Variants in TF observed in about 807,000 individuals in gnomAD.
TF encodes serotransferrin.
Under a neutral mutation model 82.4 loss-of-function variants are expected in TF, and 55 were observed. The observed-to-expected ratio is 0.67, with a 90% CI of 0.54 to 0.84. The LOEUF is 0.84. Among genes scored for constraint, TF ranks in the 40% least tolerant of loss-of-function variants. The probability of loss-of-function intolerance (pLI) is 0.00; values close to 1 mark genes in which losing one functional copy is unlikely to be tolerated. For synonymous variants in TF, 332 were observed against 332.6 expected, an observed-to-expected ratio of 1.00 and a Z score of 0.02; for missense variants, 737 against 868.4, an observed-to-expected ratio of 0.85 and a Z score of 1.90.
upstream of TF, among the ~76,000 whole-genome samples, chr3:133,742,452 G>A (rs943530076): frequency 6.6e-6 from 1 of 151,698 alleles, no homozygotes; most frequent in African/African-American, 2.4e-5. Flanking sequence ...AAGAGAAGGA[G>A]AGAGAGAGAG....
At position 133,780,563 on chromosome 3, in the gene TF, A is replaced by T. The variant is rs899595707; in HGVS notation, c.*1943A>T. ...CCTACTAAAGTTAGGAACATGAAAAAAATTGATTACTATCTATCTTATTTT... is the reference window on the plus strand; with the variant it reads ...CCTACTAAAGTTAGGAACATGAAAATAATTGATTACTATCTATCTTATTTT... On this transcript the variant is annotated 3_prime_UTR_variant, in exon 17 of 17. Transcript: ENST00000402696. The T allele has an allele frequency of 6.6e-6, 1 of 152,234 alleles. No individual in the cohort carries two copies. Among genetic ancestry groups the T allele is most frequent in the Non-Finnish European group, 1.5e-5 (1 of 68,040 alleles). 9.4% of individuals were successfully genotyped at this position (152,234 alleles called of 1,614,324 possible).
the TF span, among the ~76,000 whole-genome samples, chr3:133,692,042 C>G: frequency 6.6e-6 from 1 of 152,238 alleles, no homozygotes; most frequent in African/African-American, 2.4e-5. Flanking sequence ...TTGATAGAAA[C>G]TCCGCTGGTG....
chr3:133,766,298 G>A lies in TF; in HGVS notation c.1351G>A (p.Val451Met), dbSNP rs766740736. Residue 451 changes from valine (V) to methionine (M), a missense_variant, in exon 12 of 17, where the codon GTG (valine) becomes ATG (methionine). Transcript: ENST00000402696. Reference protein sequence around the residue: ...PEAGYFAIAVVKKSASDLTWD... With the variant: ...PEAGYFAIAVMKKSASDLTWD... Reference sequence around the variant, plus strand: ...TGTAGGGTATTTTGCTATAGCAGTGGTGAAGAAATCAGCTTCTGACCTCAC... The same window carrying A: ...TGTAGGGTATTTTGCTATAGCAGTGATGAAGAAATCAGCTTCTGACCTCAC... 6.2e-7 allele frequency: 1 copy of A among 1,614,176 alleles called. No homozygotes were observed. Among genetic ancestry groups the A allele is most frequent in the Non-Finnish European group, 8.5e-7 (1 of 1,180,016 alleles).
the TF span, among the ~76,000 whole-genome samples, chr3:133,710,341 C>A: frequency 1.3e-5 from 2 of 152,342 alleles, no homozygotes; most frequent in Non-Finnish European, 1.5e-5. Flanking sequence ...GGCTGGAGAG[C>A]GTCACAGCGC....
At position 133,791,407 on chromosome 3, in the gene TF, A is replaced by G. The variant is rs919142540; in HGVS notation, c.*12787A>G. 3.9e-5 allele frequency: 6 copies of G among 152,106 alleles called. No homozygotes were observed. Among genetic ancestry groups the G allele is most frequent in the Non-Finnish European group, 5.9e-5 (4 of 68,024 alleles). The allele number at this position is 152,106 out of a possible 1,614,324, so 9.4% of individuals were successfully genotyped here. On this transcript the variant is annotated 3_prime_UTR_variant, in exon 17 of 17. Coordinates refer to ENST00000402696, the MANE Select transcript of TF (RefSeq NM_001063.4). ...AGGGTTCCTAGGGCTGCTTTGGGAG[A>G]CAGAACCCAGAAACCTGGCATACTG...
the TF span, among the ~76,000 whole-genome samples, chr3:133,727,023 C>T: frequency 1.6e-4 from 25 of 152,104 alleles, no homozygotes; most frequent in Non-Finnish European, 3.7e-4. Flanking sequence ...GTCTGAGAGA[C>T]AGTTTGTTAT....
the TF span, among the ~76,000 whole-genome samples, chr3:133,677,205 G>A: frequency 1.3e-5 from 2 of 152,198 alleles, no homozygotes; most frequent in Non-Finnish European, 1.5e-5. Flanking sequence ...CCCGTTTCAG[G>A]ATCAGTCTGA....
At chr3:133,676,683 A>T in the TF span, among the ~76,000 whole-genome samples, 1 of 152,236 alleles carries the variant, frequency 6.6e-6, no homozygotes, top group Non-Finnish European at 1.5e-5. Flanking sequence ...GGGGCTAGGG[A>T]AGGCTGGAAG....
chr3:133,687,303 C>A, the TF span, among the ~76,000 whole-genome samples: 3 of 151,996 alleles, frequency 2.0e-5, no homozygotes, highest in Non-Finnish European at 4.4e-5. Flanking sequence ...ATGTAACAAA[C>A]CTGCACGTTG....
the TF span, among the ~76,000 whole-genome samples, chr3:133,740,359 G>A: frequency 1.3e-5 from 2 of 152,240 alleles, no homozygotes; most frequent in South Asian, 2.1e-4. Flanking sequence ...GGGAGGGATA[G>A]CATTAGGAGA....
chr3:133,726,562 G>A, the TF span, among the ~76,000 whole-genome samples: 5 of 151,874 alleles, frequency 3.3e-5, no homozygotes, highest in African/African-American at 9.7e-5. Context: ...TTCTTTATTA[G>A]TCTTGCTAGT....
At chr3:133,722,465 G>A in the TF span, among the ~76,000 whole-genome samples, 2 of 151,846 alleles carry the variant, frequency 1.3e-5, no homozygotes, top group Admixed American at 1.3e-4. Flanking sequence ...ATTGTTTTCT[G>A]GTAGTTTGGT....
At chr3:133,770,275 G>A (rs1934227412) in intron 13 of TF, among the ~76,000 whole-genome samples, 1 of 152,178 alleles carries the variant, frequency 6.6e-6, no homozygotes, top group Admixed American at 6.5e-5. Flanking sequence ...ATCTCTCAGA[G>A]AAACAGTACA....
chr3:133,766,171 A>G, intron 11 of TF, 107 bp from the exon 12 acceptor site: 1 of 1,076,666 alleles, frequency 9.3e-7, no homozygotes, highest in Non-Finnish European at 1.4e-6. Context: ...TCAAGACACA[A>G]TGACTGATTG....
At chr3:133,684,620 C>T in the TF span, among the ~76,000 whole-genome samples, 1 of 152,112 alleles carries the variant, frequency 6.6e-6, no homozygotes, top group African/African-American at 2.4e-5. Flanking sequence ...TGGATAAATT[C>T]CTGGACACAT....
the TF span, among the ~76,000 whole-genome samples, chr3:133,705,664 G>A: frequency 6.6e-6 from 1 of 152,190 alleles, no homozygotes. Flanking sequence ...AGATTGAGAA[G>A]CTCCTGACTT....
rs1934840931 is a variant in TF at position 133,791,690 on chromosome 3, C to T, written c.*13070C>T. The stretch of plus-strand genomic sequence containing the variant: ...CCATAGACCTGCTGTTCAAGACACA[C>T]CAGCAGACTGGTCAGTCATGTCTTT... On this transcript the variant is annotated 3_prime_UTR_variant, in exon 17 of 17. Coordinates refer to ENST00000402696, the MANE Select transcript of TF (RefSeq NM_001063.4). 6.6e-6 allele frequency: 1 copy of T among 152,172 alleles called. No homozygotes were observed. Among genetic ancestry groups the T allele is most frequent in the Non-Finnish European group, 1.5e-5 (1 of 68,038 alleles). The allele number at this position is 152,172 out of a possible 1,614,324, so 9.4% of individuals were successfully genotyped here.
At chr3:133,746,574 G>A (rs975937809) in intron 1 of TF, 91 bp downstream of exon 1, 1 of 1,426,288 alleles carries the variant, frequency 7.0e-7, no homozygotes, top group Non-Finnish European at 9.5e-7. Flanking sequence ...CATGCACTCC[G>A]CGCTCAGGCT....
chr3:133,750,391 C>G (rs1008190466), intron 2 of TF, among the ~76,000 whole-genome samples: 1 of 152,084 alleles, frequency 6.6e-6, no homozygotes, highest in Non-Finnish European at 1.5e-5. Flanking sequence ...GTAGGTTAGC[C>G]GAAGGGAAAA....
Sources: allele counts gnomAD v4.1 joint callset (sites outside exome capture counted in the v4.1 genomes callset), GRCh38; gene constraint gnomAD v4.1.1; transcripts MANE v1.5; gene names NCBI Gene and HGNC (gene_info 2026-07-23, HGNC 2026-07-21).